The following BRWD3 variants were observed in gnomAD, a reference collection of about 807,000 sequenced individuals.
BRWD3 encodes bromodomain and WD repeat-containing protein 3.
Under a neutral mutation model 149.7 loss-of-function variants are expected in BRWD3, and 10 were observed. The ratio of observed to expected loss-of-function variants is 0.07; its 90% CI spans 0.04 to 0.11. The LOEUF (loss-of-function observed/expected upper bound fraction) is 0.11. Ranked by LOEUF, BRWD3 falls within the 10% of genes least tolerant of loss-of-function variation. The pLI, the probability that BRWD3 is intolerant of heterozygous loss-of-function variation, is 1.00. For synonymous variants in BRWD3, 504 were observed against 456.7 expected (o/e 1.10, Z -1.32); for missense variants, 940 against 1,373.2 (o/e 0.68, Z 4.99).
chrX:80,681,327 T>C lies in BRWD3; in HGVS notation c.4654+14A>G. ...AATAAATAATAAATGTCTTGTCCTG[T>C]ATTTATTTCCTACCTTGTTTAACTG... On this transcript the variant is annotated intron_variant, in intron 40 of 40. Coordinates refer to ENST00000373275, the MANE Select transcript of BRWD3 (RefSeq NM_153252.5). 1 of 1,202,763 alleles carries C rather than the reference T, an allele frequency of 8.3e-7. No homozygotes were observed. The highest frequency in any genetic ancestry group is 1.1e-6 in the Non-Finnish European group (1 of 887,955).
Position 80,728,720 on chromosome X carries a change from C to T in BRWD3, c.1386+32G>A, listed in dbSNP as rs56115230. On this transcript the variant is annotated intron_variant, in intron 14 of 40. Coordinates refer to ENST00000373275, the MANE Select transcript of BRWD3 (RefSeq NM_153252.5). ...GTCTTAAAATAATGTGCTTTTTGACCATTTTAATTACTCTAAAAATAAAAT... is the reference window on the plus strand; with the variant it reads ...GTCTTAAAATAATGTGCTTTTTGACTATTTTAATTACTCTAAAAATAAAAT... 0.041 allele frequency: 46,851 copies of T among 1,134,991 alleles called. 1,268 individuals are homozygous for T. Among genetic ancestry groups the T allele is most frequent in the Admixed American group, 0.2 (8,289 of 41,152 alleles). The allele number at this position is 1,134,991 out of a possible 1,213,427, so 93.5% of individuals were successfully genotyped here.
chrX:80,713,055 T>C (rs79958326), intron 20 of BRWD3, among the ~76,000 whole-genome samples: 1 of 105,755 alleles, frequency 9.5e-6, no homozygotes, highest in Non-Finnish European at 2.0e-5. Flanking sequence ...CTGCCCCGTC[T>C]GGGAGGGAGT....
intron 8 of BRWD3, 151 bp downstream of exon 8, chrX:80,743,881 A>C: frequency 2.5e-6 from 1 of 406,738 alleles, no homozygotes; most frequent in East Asian, 4.0e-5. Context: ...GAACTTAAAA[A>C]AATATCTTGC....
chrX:80,745,724 T>C lies in BRWD3; in HGVS notation c.436A>G (p.Ile146Val), dbSNP rs758672244. The part of the protein sequence containing the change: ...NYVKPPNVVN[I>V]TSARQLTGCS... ...CCGGTTAATTGCCTGGCAGAGGTGA[T>C]ATTCACTGAAAAAAATACGAAATTA... The change falls in exon 7 of 41, where the codon ATC becomes GTC. Residue 146 changes from isoleucine to valine, a missense_variant. Transcript: ENST00000373275. 10 of 1,202,833 alleles carry C rather than the reference T, an allele frequency of 8.3e-6. No homozygotes were observed. In the Admixed American group the frequency reaches 2.0e-4, roughly 24 times the overall value.
intron 6 of BRWD3, among the ~76,000 whole-genome samples, chrX:80,773,079 G>A (rs2073963908): frequency 8.9e-6 from 1 of 112,182 alleles, no homozygotes; most frequent in Admixed American, 9.5e-5. Flanking sequence ...GGGTAGGGGA[G>A]TCACGCAGGA....
intron 27 of BRWD3, among the ~76,000 whole-genome samples, chrX:80,695,053 A>T (rs920633191): frequency 1.8e-5 from 2 of 110,916 alleles, no homozygotes; most frequent in Admixed American, 9.6e-5. Flanking sequence ...TGATTGGATT[A>T]TGGGGGCAGT....
intron 6 of BRWD3, among the ~76,000 whole-genome samples, chrX:80,760,083 T>C (rs2073787217): frequency 8.9e-6 from 1 of 112,193 alleles, no homozygotes; most frequent in East Asian, 2.8e-4. Context: ...ACTCTTCATG[T>C]TAAAGCTTCT....
At chrX:80,743,665 T>A (rs1418159139) in intron 8 of BRWD3, 1 of 131,578 alleles carries the variant, frequency 7.6e-6, no homozygotes, top group Non-Finnish European at 1.5e-5. Flanking sequence ...TTCTTCTAGA[T>A]TTTCTAGTTT....
At position 80,692,070 on chromosome X, in the gene BRWD3, T is replaced by C; in HGVS notation, c.3325+19A>G. 2 of 1,198,758 alleles carry C rather than the reference T, an allele frequency of 1.7e-6. No individual in the cohort carries two copies. Among genetic ancestry groups the C allele is most frequent in the Non-Finnish European group, 2.3e-6 (2 of 884,953 alleles). Reference sequence around the variant, plus strand: ...TACTTTTAAAAGAATTATAATTCATTTTTTAAAAGCATATTTACTTCCTTC... The same window carrying C: ...TACTTTTAAAAGAATTATAATTCATCTTTTAAAAGCATATTTACTTCCTTC... On this transcript the variant is annotated intron_variant, in intron 29 of 40. Transcript: ENST00000373275.
chrX:80,774,459 G>C (rs2073980208), intron 6 of BRWD3, among the ~76,000 whole-genome samples: 1 of 108,982 alleles, frequency 9.2e-6, no homozygotes, highest in African/African-American at 3.4e-5. Context: ...ATTCTATCCA[G>C]GTCTCTCTTC....
Position 80,671,975 on chromosome X carries a change from C to A in BRWD3, c.*4634G>T, listed in dbSNP as rs1439792337. 1.8e-5 allele frequency: 2 copies of A among 111,933 alleles called. No individual in the cohort carries two copies. Among genetic ancestry groups the A allele is most frequent in the Non-Finnish European group, 3.8e-5 (2 of 53,178 alleles). 9.2% of individuals were successfully genotyped at this position (111,933 alleles called of 1,213,427 possible). A position where few individuals can be genotyped will look rare whatever the true frequency, so the allele number is the denominator to read the frequency against. On this transcript the variant is annotated 3_prime_UTR_variant, in exon 41 of 41. Coordinates refer to ENST00000373275, the MANE Select transcript of BRWD3 (RefSeq NM_153252.5). ...ACATATGCAAAAACACATTTCCCAA[C>A]TGGATTTCTAAATATTTTTGCATAT...
intron 20 of BRWD3, among the ~76,000 whole-genome samples, chrX:80,715,720 T>C (rs2073066236): frequency 8.9e-6 from 1 of 111,877 alleles, no homozygotes; most frequent in Non-Finnish European, 1.9e-5. Flanking sequence ...AGCAACCACA[T>C]ACAAGACATA....
intron 20 of BRWD3, among the ~76,000 whole-genome samples, chrX:80,713,104 C>G (rs1219774799): frequency 9.8e-6 from 1 of 102,516 alleles, no homozygotes; most frequent in Non-Finnish European, 2.0e-5. Context: ...CCGCCCCGTC[C>G]GGGAGGTGAG....
chrX:80,699,083 C>T (rs1001278503), intron 25 of BRWD3, among the ~76,000 whole-genome samples: 1 of 108,776 alleles, frequency 9.2e-6, no homozygotes, highest in Admixed American at 9.9e-5. Flanking sequence ...GGCATGGTGG[C>T]GTGTACCTGC....
intron 6 of BRWD3, among the ~76,000 whole-genome samples, chrX:80,752,201 A>G (rs1013775015): frequency 9.3e-6 from 1 of 108,087 alleles, no homozygotes; most frequent in Non-Finnish European, 1.9e-5. Context: ...TGTTTTAGAG[A>G]TGGGGTCTCT....
At chrX:80,713,723 C>G (rs2073032286) in intron 20 of BRWD3, among the ~76,000 whole-genome samples, 1 of 111,719 alleles carries the variant, frequency 9.0e-6, no homozygotes, top group Non-Finnish European at 1.9e-5. Context: ...AATAATAAAT[C>G]TTAGATTACT....
chrX:80,736,182 A>G (rs1292609312), intron 8 of BRWD3, 94 bp from the exon 9 acceptor site: 2 of 569,372 alleles, frequency 3.5e-6, no homozygotes, highest in East Asian at 7.7e-5. Flanking sequence ...CATTTAACAA[A>G]TATAATTTCA....
intron 20 of BRWD3, among the ~76,000 whole-genome samples, chrX:80,712,197 G>C (rs963651608): frequency 9.0e-6 from 1 of 111,618 alleles, no homozygotes; most frequent in Non-Finnish European, 1.9e-5. Context: ...CTCTGATGCC[G>C]AGCCGAAGCT....
chrX:80,809,102 T>A (rs1339953312), intron 2 of BRWD3, 60 bp from the exon 3 acceptor site: 1 of 1,162,392 alleles, frequency 8.6e-7, no homozygotes, highest in East Asian at 3.2e-5. Context: ...CATTCCTCCC[T>A]CCACACTTAA....
Sources: gnomAD v4.1 joint callset for allele counts (sites outside exome capture counted in the v4.1 genomes callset) on GRCh38, gnomAD v4.1.1 for gene constraint, MANE v1.5 for transcripts, NCBI Gene and HGNC (gene_info 2026-07-23, HGNC 2026-07-21) for gene names.